MUC5B: variants seen among roughly 807,000 people sequenced by gnomAD.
MUC5B encodes mucin 5B, oligomeric mucus/gel-forming.
Under a neutral mutation model 376.9 loss-of-function variants are expected in MUC5B, and 116 were observed. That is an observed-to-expected ratio of 0.31 (90% CI 0.26 to 0.36). The LOEUF is 0.36. MUC5B is among the 10% of genes least tolerant of loss of function. MUC5B has a pLI of 1.00. For missense variants in MUC5B, 7,165 were observed against 7,769.9 expected (o/e 0.92, Z 2.93); for synonymous variants, 3,517 against 3,390.9 (o/e 1.04, Z -1.29).
At position 1,254,841 on chromosome 11, in the gene MUC5B, C is replaced by T. The variant is rs776220338; in HGVS notation, c.15625C>T (p.Pro5209Ser). The T allele has an allele frequency of 7.4e-6, 12 of 1,612,202 alleles. No individual in the cohort carries two copies. Among genetic ancestry groups the T allele is most frequent in the Non-Finnish European group, 1.0e-5 (12 of 1,179,780 alleles). Residue 5209 changes from proline to serine, a missense_variant, in exon 35 of 49, where the codon CCC becomes TCC. Coordinates refer to ENST00000529681, the MANE Select transcript of MUC5B (RefSeq NM_002458.3). ...FNGQVFQARL[P>S]YSLFHNNTEG... ...TGGCCAAGTCTTCCAGGCCCGGCTG[C>T]CCTACAGCCTCTTCCACAACAACAC...
rs368659603 is a variant in MUC5B, at chr11:1,248,319, C to T, written c.11439C>T (p.Thr3813=). ...CCTGGACCCGCCTATCACAGACCAC[C>T]ACACCCACGGCCACCATGTCCACAG... The part of the protein sequence containing the change: ...GTTWTRLSQT[T]TPTATMSTAT... Residue 3813 remains threonine (T), a synonymous_variant, in exon 31 of 49, where the codon ACC becomes ACT. Coordinates refer to ENST00000529681, the MANE Select transcript of MUC5B (RefSeq NM_002458.3). 2.9e-4 allele frequency: 469 copies of T among 1,611,756 alleles called. No individual in the cohort carries two copies. In the African/African-American group the frequency reaches 5.6e-3, roughly 19 times the overall value.
At position 1,241,552 on chromosome 11, in the gene MUC5B, A is replaced by C. The variant is rs1479396016; in HGVS notation, c.4672A>C (p.Thr1558Pro). ...CCAGGCCGAGAGCTTCCCCAACTGGACCCTGGCACAGGTGGGGCAGAAGGT... is the reference window on the plus strand; with the variant it reads ...CCAGGCCGAGAGCTTCCCCAACTGGCCCCTGGCACAGGTGGGGCAGAAGGT... Reference protein sequence around the residue: ...ECQAESFPNWTLAQVGQKVHC... With the variant: ...ECQAESFPNWPLAQVGQKVHC... The change falls in exon 31 of 49, where the codon ACC becomes CCC. Residue 1558 changes from threonine (T) to proline (P), a missense_variant. This residue lies in a region of MUC5B where 517 missense variants were observed against 545.3 expected (regional missense o/e 0.95). Transcript: ENST00000529681. 1 of 1,612,554 alleles carries C rather than the reference A, an allele frequency of 6.2e-7. No individual in the cohort carries two copies. The highest frequency in any genetic ancestry group is 1.7e-5 in the Admixed American group (1 of 59,878).
Position 1,258,395 on chromosome 11 carries a change from G to C in MUC5B, c.16593+28G>C, listed in dbSNP as rs760326763. The C allele has an allele frequency of 6.2e-7, 1 of 1,610,384 alleles. No homozygotes were observed. The highest frequency in any genetic ancestry group is 2.2e-5 in the East Asian group (1 of 44,846). ...AAGGGCACAGCAGTGGGTGGGTGTG[G>C]CCCTGGGGCCTGAACATGTGTGTGG... On this transcript the variant is annotated intron_variant, in intron 43 of 48. Coordinates refer to ENST00000529681, the MANE Select transcript of MUC5B (RefSeq NM_002458.3). The surrounding 1 kb of genome is among the most constrained non-coding windows in gnomAD (Gnocchi z 5.5).
At chr11:1,227,815 G>T in intron 7 of MUC5B, 34 bp downstream of exon 7, 1 of 690,684 alleles carries the variant, frequency 1.4e-6, no homozygotes, top group East Asian at 2.7e-5. Flanking sequence ...TCCTGGGCAG[G>T]GACGGCCTCC....
At chr11:1,232,419 G>T (rs778850128) in intron 15 of MUC5B, 31 bp from the exon 16 acceptor site, 19 of 1,569,710 alleles carry the variant, frequency 1.2e-5, no homozygotes, top group Non-Finnish European at 8.6e-7. Flanking sequence ...TCGGGGCAGG[G>T]CGTGGAGATG....
rs944590829 is a variant in MUC5B at position 1,234,925 on chromosome 11, C to T, written c.2631-160C>T. Among the ~76,000 whole-genome samples the T allele has an allele frequency of 6.6e-6, 1 of 152,118 alleles. No homozygotes were observed. The highest frequency in any genetic ancestry group is 2.4e-5 in the African/African-American group (1 of 41,418). On this transcript the variant is annotated intron_variant, in intron 21 of 48. Transcript: ENST00000529681. The surrounding 1 kb of genome is among the most constrained non-coding windows in gnomAD (Gnocchi z 6.3). ...GAGCCTGGTGGGGCTGCGTGCCCTG[C>T]ATTCACAGTGGGGGACACCACTTCT...
chr11:1,239,865 A>C lies in MUC5B; in HGVS notation c.3650A>C (p.Gln1217Pro). 6.2e-7 allele frequency: 1 copy of C among 1,613,150 alleles called. No homozygotes were observed. Among genetic ancestry groups the C allele is most frequent in the East Asian group, 2.2e-5 (1 of 44,876 alleles). ...FNEDQMKCVA[Q>P]CGCYDKDGNY... ...GAGGACCAGATGAAGTGCGTGGCCC[A>C]GTGTGGCTGCTACGACAAGGACGGA... Residue 1217 changes from glutamine (Q) to proline (P), a missense_variant, in exon 28 of 49, where the codon CAG becomes CCG. Around this residue, in one of 31 missense-constraint regions of MUC5B, gnomAD observed 517 missense variants for 545.3 expected, o/e 0.95. Transcript: ENST00000529681.
intron 38 of MUC5B, among the ~76,000 whole-genome samples, 180 bp downstream of exon 38, chr11:1,256,405 C>G (rs1191436461): frequency 2.0e-5 from 3 of 151,970 alleles, no homozygotes; most frequent in African/African-American, 7.3e-5. Context: ...CAGAGTCAGG[C>G]AGGGGGCGCA....
Position 1,235,220 on chromosome 11 carries a change from C to A in MUC5B, c.2766C>A (p.Ala922=), listed in dbSNP as rs1214871955. ...SFEGSCEYIL[A]QDYCGDNTTH... The stretch of plus-strand genomic sequence containing the variant: ...AAGGCAGCTGCGAGTACATCTTGGC[C>A]CAGGTACGCCGCCCCCTCGCCCACT... Residue 922 remains alanine (A), a synonymous_variant, in exon 22 of 49, where the codon GCC becomes GCA. Coordinates refer to ENST00000529681, the MANE Select transcript of MUC5B (RefSeq NM_002458.3). 6.2e-7 allele frequency: 1 copy of A among 1,612,628 alleles called. No homozygotes were observed. Among genetic ancestry groups the A allele is most frequent in the African/African-American group, 1.3e-5 (1 of 74,876 alleles).
Position 1,246,966 on chromosome 11 carries a change from G to C in MUC5B, c.10086G>C (p.Leu3362=). The change falls in exon 31 of 49, where the codon CTG becomes CTC. Residue 3362 remains leucine, a synonymous_variant. Transcript: ENST00000529681. ...IPGTTHTATV[L]TTTTTTVATG... ...GGACCACCCACACCGCCACAGTGCT[G>C]ACCACCACCACCACAACTGTGGCCA... The C allele has an allele frequency of 1.3e-6, 2 of 1,593,650 alleles. No individual in the cohort carries two copies. The highest frequency in any genetic ancestry group is 2.3e-5 in the East Asian group (1 of 43,620).
intron 15 of MUC5B, 50 bp from the exon 16 acceptor site, chr11:1,232,400 G>A (rs1238012016): frequency 3.2e-6 from 5 of 1,541,406 alleles, no homozygotes; most frequent in South Asian, 1.2e-5. Flanking sequence ...CGTGTCAGGG[G>A]TGTGGGCTTC....
At chr11:1,260,574 C>T in intron 47 of MUC5B, 52 bp from the exon 48 acceptor site, 2 of 1,539,374 alleles carry the variant, frequency 1.3e-6, no homozygotes, top group Non-Finnish European at 1.8e-6. Flanking sequence ...CAAGTCCAGG[C>T]CCTCAGAGTG....
At chr11:1,236,903 C>T in intron 24 of MUC5B, 22 bp from the exon 25 acceptor site, 1 of 1,415,274 alleles carries the variant, frequency 7.1e-7, no homozygotes. Context: ...TCCAGGGCCC[C>T]ACTCTCTCGC....
At position 1,243,449 on chromosome 11, in the gene MUC5B, T is replaced by G. The variant is rs201090792; in HGVS notation, c.6569T>G (p.Val2190Gly). The change falls in exon 31 of 49, where the codon GTG (valine) becomes GGG (glycine). Residue 2190 changes from valine to glycine, a missense_variant. Around this residue, in one of 31 missense-constraint regions of MUC5B, gnomAD observed 67 missense variants for 103.0 expected, o/e 0.65. Coordinates refer to ENST00000529681, the MANE Select transcript of MUC5B (RefSeq NM_002458.3). ...CTAGGGACCACCCACACACCCCCAGTGCCGAACACCATGGCCACCACACAC... is the reference window on the plus strand; with the variant it reads ...CTAGGGACCACCCACACACCCCCAGGGCCGAACACCATGGCCACCACACAC... Reference protein sequence around the residue: ...SALGTTHTPPVPNTMATTHGR... With the variant: ...SALGTTHTPPGPNTMATTHGR... The G allele has an allele frequency of 6.9e-7, 1 of 1,453,074 alleles. No homozygotes were observed. Among genetic ancestry groups the G allele is most frequent in the Non-Finnish European group, 9.4e-7 (1 of 1,062,660 alleles). 90.0% of individuals were successfully genotyped at this position (1,453,074 alleles called of 1,614,324 possible).
In MUC5B at chr11:1,232,121, A is replaced by G; in HGVS notation, c.1804A>G (p.Asn602Asp). Reference sequence around the variant, plus strand: ...CCAGGCTGCCTGTGCCAATGCCAGGAACAGCTTTGAGGACCCCTGCTCCCT... The same window carrying G: ...CCAGGCTGCCTGTGCCAATGCCAGGGACAGCTTTGAGGACCCCTGCTCCCT... ...KAQAACANAR[N>D]SFEDPCSLSV... is the part of the protein sequence containing the mutation. Residue 602 changes from asparagine (N) to aspartate (D), a missense_variant, in exon 15 of 49, where the codon AAC becomes GAC. Transcript: ENST00000529681. 1.2e-6 allele frequency: 2 copies of G among 1,612,254 alleles called. No homozygotes were observed. Among genetic ancestry groups the G allele is most frequent in the Admixed American group, 3.3e-5 (2 of 59,936 alleles).
At position 1,235,528 on chromosome 11, in the gene MUC5B, C is replaced by T. The variant is rs577390926; in HGVS notation, c.2880+115C>T. On this transcript the variant is annotated intron_variant, in intron 23 of 48. Transcript: ENST00000529681. ...CAGGTTCTCAGCAGTGTCCTGGCCC[C>T]GGGCTGCTGTTCCAAGCAGCCACAA... 1.4e-4 allele frequency: 123 copies of T among 891,568 alleles called. No homozygotes were observed. In the South Asian group the frequency reaches 1.4e-3, roughly 10 times the overall value. 55.2% of individuals were successfully genotyped at this position (891,568 alleles called of 1,614,324 possible). A position where few individuals can be genotyped will look rare whatever the true frequency, so the allele number is the denominator to read the frequency against.
rs756275758 is a variant in MUC5B, at chr11:1,239,538, C to T, written c.3555C>T (p.His1185=). Residue 1185 remains histidine (H), a synonymous_variant, in exon 27 of 49, where the codon CAC becomes CAT. Coordinates refer to ENST00000529681, the MANE Select transcript of MUC5B (RefSeq NM_002458.3). ...CLKTCRNPSG[H]CLVDLPGLEG... is the part of the protein sequence containing the mutation. ...AAACCTGCCGGAACCCCAGTGGGCA[C>T]TGCCTGGTGGACCTGCCTGGCCTGG... The T allele has an allele frequency of 3.8e-6, 6 of 1,594,826 alleles. No homozygotes were observed. The African/African-American group carries it at 5.4e-5, about 14-fold the overall frequency.
At chr11:1,226,929 C>T (rs1861898805) in intron 4 of MUC5B, 53 bp downstream of exon 4, 1 of 1,588,568 alleles carries the variant, frequency 6.3e-7, no homozygotes, top group Admixed American at 1.7e-5. Flanking sequence ...AGTGTGACCT[C>T]CCCACACGGC....
Position 1,226,214 on chromosome 11 carries a change from C to T in MUC5B, c.137C>T (p.Thr46Met), listed in dbSNP as rs368164151. The T allele has an allele frequency of 2.1e-5, 33 of 1,552,268 alleles. No homozygotes were observed. The highest frequency in any genetic ancestry group is 9.7e-5 in the Admixed American group (5 of 51,708). The change falls in exon 3 of 49, where the codon ACG becomes ATG. Residue 46 changes from threonine (T) to methionine (M), a missense_variant. Thr to Met is a moderately conservative substitution (Grantham distance 81, BLOSUM62 -1). Coordinates refer to ENST00000529681, the MANE Select transcript of MUC5B (RefSeq NM_002458.3). Reference sequence around the variant, plus strand: ...CAGCCTTCACCCACAGGTGCCCCGACGTCCTCGCCCACCCGGCGCGTGAGC... The same window carrying T: ...CAGCCTTCACCCACAGGTGCCCCGATGTCCTCGCCCACCCGGCGCGTGAGC... ...AGHTMDGGAP[T>M]SSPTRRVSFV... is the part of the protein sequence containing the mutation.
Sources: gnomAD v4.1 joint callset for allele counts (sites outside exome capture counted in the v4.1 genomes callset) on GRCh38, gnomAD v4.1.1 for gene constraint, gnomAD v4.1.1 regional missense constraint, Gnocchi (gnomAD v3.1) non-coding constraint, MANE v1.5 for transcripts, NCBI Gene and HGNC (gene_info 2026-07-23, HGNC 2026-07-21) for gene names.